The following CPNE8 variants were observed in gnomAD, a reference collection of about 807,000 sequenced individuals.
The protein encoded by CPNE8 is copine 8, also known as copine-8.
In CPNE8, 45 loss-of-function variants were observed where a neutral mutation model predicts 81.5. That is an observed-to-expected ratio of 0.55 (90% CI 0.44 to 0.71). The LOEUF is 0.71. Ranked by LOEUF, CPNE8 falls within the 30% of genes least tolerant of loss-of-function variation. The pLI is 0.00. For synonymous variants in CPNE8, 252 were observed against 226.3 expected (o/e 1.11, Z -1.02); for missense variants, 594 against 672.1 (o/e 0.88, Z 1.28).
rs1017031705 is a variant in CPNE8, at chr12:38,833,700, G to A, written c.331-4245C>T. 7.9e-5 allele frequency among the ~76,000 whole-genome samples: 12 copies of A among 151,980 alleles called. No homozygotes were observed. In the South Asian group the frequency reaches 1.5e-3, roughly 18 times the overall value. On this transcript the variant is annotated intron_variant, in intron 5 of 19. Coordinates refer to ENST00000331366, the MANE Select transcript of CPNE8 (RefSeq NM_153634.3). ...TCACCGTGTTAGCCAGGATGGTCTC[G>A]ATCTCCTGACCTCGTGATCTGCCCG...
chr12:38,699,149 C>G (rs750973198), intron 14 of CPNE8, among the ~76,000 whole-genome samples: 4 of 152,094 alleles, frequency 2.6e-5, no homozygotes, highest in Non-Finnish European at 4.4e-5. Flanking sequence ...ATGTTTTCTT[C>G]AAAAAATAAT....
chr12:38,901,665 G>A (rs1037331382), intron 1 of CPNE8, among the ~76,000 whole-genome samples: 4 of 152,158 alleles, frequency 2.6e-5, no homozygotes, highest in Non-Finnish European at 5.9e-5. Flanking sequence ...GCAGGAGCTT[G>A]CCTTTGCATA....
At chr12:38,795,896 G>GATAGATAGATAGATAGATAC (rs1942455709) in intron 6 of CPNE8, among the ~76,000 whole-genome samples, 1 of 152,162 alleles carries the variant, frequency 6.6e-6, no homozygotes, top group East Asian at 1.9e-4. Flanking sequence ...TAGATAGATA[G>GATAGATAGATAGATAGATAC]ATAGAAGATA....
chr12:38,816,387 T>TG (rs1254037906), intron 6 of CPNE8, among the ~76,000 whole-genome samples: 2 of 152,132 alleles, frequency 1.3e-5, no homozygotes, highest in Non-Finnish European at 2.9e-5. Context: ...AAGAAAGAAA[T>TG]GGGGGAAGGT....
intron 13 of CPNE8, among the ~76,000 whole-genome samples, chr12:38,709,216 C>T (rs1940186770): frequency 6.6e-6 from 1 of 152,222 alleles, no homozygotes; most frequent in African/African-American, 2.4e-5. Context: ...GTCATCCAAC[C>T]TAACCCTTCT....
rs761681583 is a variant in CPNE8 at position 38,873,062 on chromosome 12, G to C, written c.140-12C>G. 19 of 1,472,466 alleles carry C rather than the reference G, an allele frequency of 1.3e-5. No individual in the cohort carries two copies. In the Admixed American group the frequency reaches 3.2e-4, roughly 25 times the overall value. 91.2% of individuals were successfully genotyped at this position (1,472,466 alleles called of 1,614,324 possible). ...ATATAAGACACAAACTACAAAAGAT[G>C]AAAAAATACGCACATATAAATGTCT... On this transcript the variant is annotated splice_polypyrimidine_tract_variant and intron_variant, in intron 2 of 19. Coordinates refer to ENST00000331366, the MANE Select transcript of CPNE8 (RefSeq NM_153634.3).
intron 10 of CPNE8, among the ~76,000 whole-genome samples, chr12:38,751,305 T>C (rs1425247104): frequency 1.3e-5 from 2 of 152,200 alleles, no homozygotes; most frequent in East Asian, 1.9e-4. Flanking sequence ...TCTAGTAAAT[T>C]TCATTTTTAA....
At chr12:38,671,051 C>G in intron 18 of CPNE8, 1 of 389,020 alleles carries the variant, frequency 2.6e-6, no homozygotes. Context: ...GTCTCTGGGT[C>G]TATCTCTTTG....
At chr12:38,824,175 T>C (rs1374787462) in intron 6 of CPNE8, among the ~76,000 whole-genome samples, 4 of 145,570 alleles carry the variant, frequency 2.7e-5, no homozygotes, top group African/African-American at 9.8e-5. Context: ...AATTATTTCA[T>C]CATTATGCAT....
intron 15 of CPNE8, among the ~76,000 whole-genome samples, chr12:38,692,714 A>G (rs1057076320): frequency 6.6e-6 from 1 of 152,200 alleles, no homozygotes; most frequent in East Asian, 1.9e-4. Flanking sequence ...AACCTCATTT[A>G]GTTTAACACA....
At chr12:38,766,499 T>A (rs1361519145) in intron 8 of CPNE8, among the ~76,000 whole-genome samples, 1 of 152,186 alleles carries the variant, frequency 6.6e-6, no homozygotes, top group African/African-American at 2.4e-5. Flanking sequence ...AATCTAATAG[T>A]ATAACACTAT....
intron 13 of CPNE8, among the ~76,000 whole-genome samples, chr12:38,719,644 G>T (rs1177902246): frequency 6.7e-6 from 1 of 150,358 alleles, no homozygotes; most frequent in African/African-American, 2.4e-5. Flanking sequence ...AAGTCCTTCA[G>T]GGCAAAGATA....
At chr12:38,881,921 C>T (rs936886833) in intron 1 of CPNE8, among the ~76,000 whole-genome samples, 1 of 152,140 alleles carries the variant, frequency 6.6e-6, no homozygotes, top group African/African-American at 2.4e-5. Flanking sequence ...AAAAAAGAGA[C>T]TGAGAGCAGG....
At chr12:38,691,122 T>C (rs936809948) in intron 15 of CPNE8, among the ~76,000 whole-genome samples, 1 of 152,216 alleles carries the variant, frequency 6.6e-6, no homozygotes, top group African/African-American at 2.4e-5. Context: ...ACATATATCA[T>C]GGTGTTAATA....
intron 6 of CPNE8, among the ~76,000 whole-genome samples, chr12:38,806,793 G>C (rs140427473): frequency 0.028 from 4,153 of 148,884 alleles, 220 homozygotes; most frequent in African/African-American, 0.093. Context: ...TATTCAATTA[G>C]GAAAAGAGGA....
chr12:38,704,826 G>GTATATATATGTGTATGTATATA (rs58878926), intron 13 of CPNE8, among the ~76,000 whole-genome samples: 1 of 50,200 alleles, frequency 2.0e-5, no homozygotes, highest in Non-Finnish European at 5.5e-5. Flanking sequence ...GTATGTATGT[G>GTATATATATGTGTATGTATATA]TATATATATA....
chr12:38,871,695 G>A (rs761865446), intron 3 of CPNE8, among the ~76,000 whole-genome samples: 3 of 152,146 alleles, frequency 2.0e-5, no homozygotes, highest in Non-Finnish European at 4.4e-5. Context: ...ATGAAGATAC[G>A]GGAGAGAAAC....
rs566955561 is a variant in CPNE8, at chr12:38,652,336, A to G, written c.*1546T>C. ...ATCATCAAACTATTGTCATTCATAC[A>G]TGAAACGTACAAAGCAAATAGTTAT... On this transcript the variant is annotated 3_prime_UTR_variant, in exon 20 of 20. Transcript: ENST00000331366. The G allele has an allele frequency of 2.6e-5, 4 of 152,622 alleles. No homozygotes were observed. Among genetic ancestry groups the G allele is most frequent in the Admixed American group, 2.0e-4 (3 of 15,298 alleles). 9.5% of individuals were successfully genotyped at this position (152,622 alleles called of 1,614,324 possible).
At chr12:38,793,282 C>G (rs1394639151) in intron 6 of CPNE8, among the ~76,000 whole-genome samples, 1 of 151,170 alleles carries the variant, frequency 6.6e-6, no homozygotes, top group African/African-American at 2.4e-5. Flanking sequence ...ATAAAATTAT[C>G]TCTGTTTACA....
Sources: allele counts gnomAD v4.1 joint callset (sites outside exome capture counted in the v4.1 genomes callset), GRCh38; gene constraint gnomAD v4.1.1; transcripts MANE v1.5; gene names NCBI Gene and HGNC (gene_info 2026-07-23, HGNC 2026-07-21).